The following MAP2 variants were observed in gnomAD, a reference collection of about 807,000 sequenced individuals.
MAP2 encodes microtubule associated protein 2.
MAP2 carries 14 observed loss-of-function variants against 137.6 expected under a neutral mutation model. The ratio of observed to expected loss-of-function variants is 0.10; its 90% CI spans 0.07 to 0.16. MAP2 has a LOEUF of 0.16. Ranked by LOEUF, MAP2 falls within the 10% of genes least tolerant of loss-of-function variation. The pLI, the probability that MAP2 is intolerant of heterozygous loss-of-function variation, is 1.00. For missense variants in MAP2, 2,088 were observed against 2,191.5 expected, an observed-to-expected ratio of 0.95 and a Z score of 0.94; for synonymous variants, 786 against 782.3, an observed-to-expected ratio of 1.00 and a Z score of -0.08.
intron 4 of MAP2, among the ~76,000 whole-genome samples, chr2:209,637,495 T>C (rs1388708548): frequency 6.6e-6 from 1 of 151,378 alleles, no homozygotes; most frequent in Non-Finnish European, 1.5e-5. Flanking sequence ...TAAAATAAGG[T>C]AAGATGAGAT....
At chr2:209,623,179 T>C (rs1312530690) in intron 3 of MAP2, among the ~76,000 whole-genome samples, 1 of 152,146 alleles carries the variant, frequency 6.6e-6, no homozygotes, top group Non-Finnish European at 1.5e-5. Flanking sequence ...TTGCAGGCCA[T>C]ATAGTCTGTC....
intron 2 of MAP2, among the ~76,000 whole-genome samples, chr2:209,563,912 T>C (rs2153354781): frequency 6.6e-6 from 1 of 152,348 alleles, no homozygotes; most frequent in African/African-American, 2.4e-5. Context: ...GATAAAAATA[T>C]GGCAAGAATG....
At chr2:209,580,706 GT>G (rs1266922533) in intron 3 of MAP2, among the ~76,000 whole-genome samples, 1 of 152,166 alleles carries the variant, frequency 6.6e-6, no homozygotes, top group Non-Finnish European at 1.5e-5. Flanking sequence ...GCATAAGAAA[GT>G]AATCCTTCAT....
intron 2 of MAP2, among the ~76,000 whole-genome samples, chr2:209,546,813 T>C (rs2068165828): frequency 6.6e-6 from 1 of 152,246 alleles, no homozygotes; most frequent in Non-Finnish European, 1.5e-5. Flanking sequence ...TTTAGAAGAA[T>C]TAAATAACTG....
At chr2:209,611,517 C>T (rs2086872672) in intron 3 of MAP2, among the ~76,000 whole-genome samples, 1 of 151,758 alleles carries the variant, frequency 6.6e-6, no homozygotes, top group Non-Finnish European at 1.5e-5. Flanking sequence ...AAATTATGGA[C>T]CAATGAAATT....
chr2:209,443,934 A>T (rs1698429126), intron 1 of MAP2, among the ~76,000 whole-genome samples: 1 of 151,602 alleles, frequency 6.6e-6, no homozygotes, highest in Non-Finnish European at 1.5e-5. Flanking sequence ...ATCACTTTGG[A>T]TTCTTTACAT....
intron 7 of MAP2, among the ~76,000 whole-genome samples, chr2:209,687,680 A>G (rs1459340728): frequency 6.6e-6 from 1 of 152,042 alleles, no homozygotes; most frequent in African/African-American, 2.4e-5. Context: ...TGTGTTGTCC[A>G]GTTCTCCCTG....
At position 209,453,552 on chromosome 2, in the gene MAP2, C is replaced by T. The variant is rs575612993; in HGVS notation, c.-222+29276C>T. Among the ~76,000 whole-genome samples, 19 of 152,282 alleles carry T rather than the reference C, an allele frequency of 1.2e-4. No individual in the cohort carries two copies. The South Asian group carries it at 2.7e-3, about 22-fold the overall frequency. On this transcript the variant is annotated intron_variant, in intron 1 of 15. Coordinates refer to ENST00000682079, the MANE Select transcript of MAP2 (RefSeq NM_001375505.1). ...GGATTACATGTATATATACCTATGA[C>T]TGTTACTGTTTATATTTTTTCCTAA...
intron 2 of MAP2, among the ~76,000 whole-genome samples, chr2:209,544,796 A>G (rs2067718097): frequency 6.6e-6 from 1 of 152,212 alleles, no homozygotes; most frequent in Non-Finnish European, 1.5e-5. Context: ...AGTAGTCAGC[A>G]TTGTAAACCG....
chr2:209,724,955 A>G (rs1226665862), intron 13 of MAP2, among the ~76,000 whole-genome samples: 1 of 152,244 alleles, frequency 6.6e-6, no homozygotes, highest in Non-Finnish European at 1.5e-5. Flanking sequence ...TAAAGTAAGT[A>G]GAGGAGCTTT....
intron 1 of MAP2, among the ~76,000 whole-genome samples, chr2:209,489,065 A>C (rs1445815666): frequency 2.6e-5 from 4 of 152,176 alleles, no homozygotes; most frequent in South Asian, 2.1e-4. Flanking sequence ...GTGGGTGTCC[A>C]TCTGGGACAA....
At chr2:209,658,513 AT>A (rs201559096) in intron 5 of MAP2, among the ~76,000 whole-genome samples, 16 of 148,802 alleles carry the variant, frequency 1.1e-4, no homozygotes, top group Admixed American at 2.0e-4. Flanking sequence ...TATTATTACT[AT>A]TTTTTTTTTG....
At chr2:209,712,792 A>G (rs1408944171) in intron 13 of MAP2, among the ~76,000 whole-genome samples, 1 of 152,162 alleles carries the variant, frequency 6.6e-6, no homozygotes, top group Non-Finnish European at 1.5e-5. Flanking sequence ...ACTGAAGGAA[A>G]AGTATTTTAG....
At chr2:209,714,353 A>G (rs1249328508) in intron 13 of MAP2, among the ~76,000 whole-genome samples, 1 of 152,232 alleles carries the variant, frequency 6.6e-6, no homozygotes, top group Non-Finnish European at 1.5e-5. Flanking sequence ...CTGCAAGGCC[A>G]TGTCTGTGGA....
chr2:209,485,897 G>A (rs1360696631), intron 1 of MAP2, among the ~76,000 whole-genome samples: 2 of 152,212 alleles, frequency 1.3e-5, no homozygotes, highest in African/African-American at 4.8e-5. Flanking sequence ...CAGAAGGTTA[G>A]GGCCTAGCTT....
intron 13 of MAP2, among the ~76,000 whole-genome samples, chr2:209,724,799 A>G (rs1323670440): frequency 6.6e-6 from 1 of 152,242 alleles, no homozygotes; most frequent in East Asian, 1.9e-4. Flanking sequence ...CTGTAAGTAT[A>G]CACCATGTGG....
At chr2:209,549,703 C>A (rs76030702) in intron 2 of MAP2, among the ~76,000 whole-genome samples, 2,903 of 152,244 alleles carry the variant, frequency 0.019, 93 homozygotes, top group African/African-American at 0.066. Context: ...TTCATGGCAA[C>A]AATCACAAGT....
chr2:209,612,803 G>A (rs1456800623), intron 3 of MAP2, among the ~76,000 whole-genome samples: 2 of 152,262 alleles, frequency 1.3e-5, no homozygotes, highest in South Asian at 2.1e-4. Context: ...CATAGTATTA[G>A]AACAAGTTTT....
intron 4 of MAP2, among the ~76,000 whole-genome samples, chr2:209,639,536 T>C (rs918636641): frequency 1.2e-4 from 18 of 152,150 alleles, no homozygotes; most frequent in Admixed American, 3.9e-4. Flanking sequence ...CTTCTTCCAA[T>C]TTACTTTCCA....
Sources: allele counts gnomAD v4.1 joint callset (sites outside exome capture counted in the v4.1 genomes callset), GRCh38; gene constraint gnomAD v4.1.1; transcripts MANE v1.5; gene names NCBI Gene and HGNC (gene_info 2026-07-23, HGNC 2026-07-21).